The following SMIM35 variants were observed in gnomAD, a reference collection of about 807,000 sequenced individuals.
SMIM35 encodes small integral membrane protein 35.
intron 1 of SMIM35, among the ~76,000 whole-genome samples, chr11:118,040,106 C>T (rs892714212): frequency 2.0e-4 from 30 of 149,596 alleles, no homozygotes; most frequent in Middle Eastern, 3.5e-3. Context: ...ATCCCACTTA[C>T]TTGGAAAGCT....
intron 1 of SMIM35, among the ~76,000 whole-genome samples, chr11:118,036,693 G>A (rs1032173467): frequency 6.6e-5 from 10 of 152,266 alleles, no homozygotes; most frequent in African/African-American, 2.2e-4. Context: ...GCAGAGGGTA[G>A]CAGGAGCATC....
chr11:118,078,735 G>T (rs562345637), intron 1 of SMIM35, among the ~76,000 whole-genome samples: 1 of 152,250 alleles, frequency 6.6e-6, no homozygotes, highest in East Asian at 1.9e-4. Context: ...CATTTCTAGG[G>T]CAGGTCACTA....
At chr11:118,065,510 G>T (rs1944459454) in intron 1 of SMIM35, among the ~76,000 whole-genome samples, 1 of 152,184 alleles carries the variant, frequency 6.6e-6, no homozygotes, top group African/African-American at 2.4e-5. Context: ...CTTTTGCATA[G>T]GAGTATAACT....
Position 118,057,185 on chromosome 11 carries a change from A to G in SMIM35, c.7+29566T>C, listed in dbSNP as rs531972300. The stretch of plus-strand genomic sequence containing the variant: ...AGGAACTGCCAACTGGTGCTCTCTT[A>G]AGAAGGAGGAATAGAGTTCAGAAGG... On this transcript the variant is annotated intron_variant, in intron 1 of 4. Transcript: ENST00000689828. 7.2e-5 allele frequency among the ~76,000 whole-genome samples: 11 copies of G among 152,314 alleles called. No homozygotes were observed. In the East Asian group the frequency reaches 2.1e-3, roughly 29 times the overall value.
chr11:118,067,303 A>C (rs1003930560), intron 1 of SMIM35: 2 of 152,204 alleles, frequency 1.3e-5, no homozygotes, highest in East Asian at 3.9e-4. Context: ...AGATCATTTG[A>C]GTCCTCACTT....
At position 118,007,641 on chromosome 11, in the gene SMIM35, G is replaced by A. The variant is rs553416313; in HGVS notation, c.*34-1265C>T. ...AAACTCTTGACCTTGTGATCCACCC[G>A]CCTTGGCCTCCCAAAGTGCTGGGAT... On this transcript the variant is annotated intron_variant, in intron 4 of 4. Coordinates refer to ENST00000689828, the MANE Select transcript of SMIM35 (RefSeq NM_001394165.1). 7.9e-5 allele frequency among the ~76,000 whole-genome samples: 12 copies of A among 152,160 alleles called. No individual in the cohort carries two copies. The South Asian group carries it at 1.2e-3, about 16-fold the overall frequency.
At chr11:118,023,545 C>T (rs1245170442) in intron 1 of SMIM35, among the ~76,000 whole-genome samples, 2 of 145,100 alleles carry the variant, frequency 1.4e-5, no homozygotes, top group Non-Finnish European at 3.0e-5. Flanking sequence ...TGATGTTCCC[C>T]TTCTTGTGTA....
At chr11:118,047,344 A>G (rs543672570) in intron 1 of SMIM35, among the ~76,000 whole-genome samples, 1 of 152,360 alleles carries the variant, frequency 6.6e-6, no homozygotes, top group Non-Finnish European at 1.5e-5. Flanking sequence ...GTGTCTGAAA[A>G]CAGAGAGAAA....
At chr11:118,045,349 C>CACACACACAT (rs1385889195) in intron 1 of SMIM35, among the ~76,000 whole-genome samples, 4 of 151,790 alleles carry the variant, frequency 2.6e-5, no homozygotes, top group African/African-American at 9.7e-5. Context: ...CACACACACA[C>CACACACACAT]ACACACACAC....
chr11:118,027,641 A>G (rs1291727409), intron 1 of SMIM35, among the ~76,000 whole-genome samples: 1 of 152,250 alleles, frequency 6.6e-6, no homozygotes, highest in African/African-American at 2.4e-5. Flanking sequence ...TCTTTATGTT[A>G]GCAGTTAGAT....
At chr11:118,015,134 C>T (rs2058172833) in intron 2 of SMIM35, among the ~76,000 whole-genome samples, 1 of 152,204 alleles carries the variant, frequency 6.6e-6, no homozygotes, top group African/African-American at 2.4e-5. Flanking sequence ...AACAAATATC[C>T]ATGGACTCTG....
rs150325455 is a variant in SMIM35 at position 118,064,621 on chromosome 11, GA to G, written c.7+22129del. On this transcript the variant is annotated intron_variant, in intron 1 of 4. Transcript: ENST00000689828. ...ATTTGTCTGTTTTTTCAGGGGTGGA[GA>G]TTTTTTGTTGTTTTTTTCATCACTA... Among the ~76,000 whole-genome samples the G allele has an allele frequency of 8.3e-3, 1,252 of 151,214 alleles. 10 individuals carry two copies. The highest frequency in any genetic ancestry group is 0.012 in the Non-Finnish European group (822 of 67,828).
chr11:118,040,863 G>A (rs1468156085), intron 1 of SMIM35, among the ~76,000 whole-genome samples: 3 of 152,026 alleles, frequency 2.0e-5, no homozygotes, highest in African/African-American at 4.8e-5. Flanking sequence ...GGACATGACT[G>A]TAGTTGATAA....
intron 4 of SMIM35, among the ~76,000 whole-genome samples, chr11:118,009,561 T>A (rs529663129): frequency 6.6e-6 from 1 of 152,242 alleles, no homozygotes; most frequent in South Asian, 2.1e-4. Flanking sequence ...GGCTAAGTAA[T>A]GCTTAGAATC....
At chr11:118,073,309 GA>G (rs1944602309) in intron 1 of SMIM35, among the ~76,000 whole-genome samples, 11 of 152,172 alleles carry the variant, frequency 7.2e-5, no homozygotes, top group Admixed American at 7.2e-4. Flanking sequence ...TACAGATGAA[GA>G]AGATGGCGTG....
intron 1 of SMIM35, among the ~76,000 whole-genome samples, chr11:118,026,341 T>G (rs11216706): frequency 0.096 from 14,602 of 152,236 alleles, 974 homozygotes; most frequent in East Asian, 0.37. Context: ...TCTCTCCTGG[T>G]CAATGCCTAT....
intron 1 of SMIM35, among the ~76,000 whole-genome samples, chr11:118,070,946 C>T (rs1387438319): frequency 6.6e-6 from 1 of 152,182 alleles, no homozygotes; most frequent in Non-Finnish European, 1.5e-5. Context: ...CGACCTGGAT[C>T]TCAACCCTGC....
chr11:118,036,583 G>A (rs1234789639), intron 1 of SMIM35, among the ~76,000 whole-genome samples: 1 of 152,232 alleles, frequency 6.6e-6, no homozygotes, highest in African/African-American at 2.4e-5. Context: ...CCTAAGCTGG[G>A]GGTGCCTGGG....
chr11:118,031,939 A>T (rs1445023129), intron 1 of SMIM35: 1 of 151,924 alleles, frequency 6.6e-6, no homozygotes, highest in Non-Finnish European at 1.5e-5. Context: ...GGAGTCCGAG[A>T]CCAGCCTGGG....
Sources: allele counts gnomAD v4.1 joint callset (sites outside exome capture counted in the v4.1 genomes callset), GRCh38; gene constraint gnomAD v4.1.1; transcripts MANE v1.5; gene names NCBI Gene and HGNC (gene_info 2026-07-23, HGNC 2026-07-21).